PLEKHA8: variants seen among roughly 807,000 people sequenced by gnomAD.
The protein encoded by PLEKHA8 is pleckstrin homology domain containing A8.
In PLEKHA8, 36 loss-of-function variants were observed where a neutral mutation model predicts 68.2. The ratio of observed to expected loss-of-function variants is 0.53; its 90% CI spans 0.40 to 0.70. The LOEUF (loss-of-function observed/expected upper bound fraction) is 0.70, where lower values mean the gene tolerates loss of function less well. Ranked by LOEUF, PLEKHA8 falls within the 30% of genes least tolerant of loss-of-function variation. PLEKHA8 has a pLI of 0.00. For synonymous variants in PLEKHA8, 211 were observed against 216.1 expected (o/e 0.98, Z 0.20); for missense variants, 505 against 615.4 (o/e 0.82, Z 1.90).
In PLEKHA8 at chr7:30,084,486, G is replaced by A. The variant is rs993977162; in HGVS notation, c.*5699G>A. On this transcript the variant is annotated 3_prime_UTR_variant, in exon 14 of 14. Coordinates refer to ENST00000449726, the MANE Select transcript of PLEKHA8 (RefSeq NM_001197026.2). ...GGAGCCTCTTGGGACCAACCGATGA[G>A]CGACAGTTTCATGTTTAGATTTGTA... 2 of 985,186 alleles carry A rather than the reference G, an allele frequency of 2.0e-6. No homozygotes were observed. Among genetic ancestry groups the A allele is most frequent in the Non-Finnish European group, 2.4e-6 (2 of 829,874 alleles). 61.0% of individuals were successfully genotyped at this position (985,186 alleles called of 1,614,324 possible).
At chr7:30,113,757 CAT>C (rs376154736) in intron 13 of PLEKHA8, among the ~76,000 whole-genome samples, 52 of 152,278 alleles carry the variant, frequency 3.4e-4, no homozygotes, top group African/African-American at 1.2e-3. Context: ...TCCATCACTT[CAT>C]CATATTGCTG....
At chr7:30,043,212 GTC>G (rs975733983) in intron 1 of PLEKHA8, among the ~76,000 whole-genome samples, 2 of 152,124 alleles carry the variant, frequency 1.3e-5, no homozygotes, top group African/African-American at 4.8e-5. Flanking sequence ...GCCCAGGCTG[GTC>G]TGGAACTCCT....
intron 13 of PLEKHA8, chr7:30,116,079 C>T (rs902520639): frequency 1.4e-5 from 2 of 147,652 alleles, no homozygotes; most frequent in African/African-American, 5.0e-5. Flanking sequence ...TACATGTATA[C>T]ATACGCATAC....
intron 13 of PLEKHA8, among the ~76,000 whole-genome samples, chr7:30,105,711 T>A (rs769182841): frequency 6.6e-4 from 101 of 152,322 alleles, no homozygotes; most frequent in Non-Finnish European, 1.3e-3. Flanking sequence ...GTGAGCAGCA[T>A]TTCATAAGTT....
chr7:30,114,471 A>G (rs1284294726), intron 13 of PLEKHA8, among the ~76,000 whole-genome samples: 1 of 152,230 alleles, frequency 6.6e-6, no homozygotes, highest in East Asian at 1.9e-4. Flanking sequence ...CTACCGTGCA[A>G]CAGTGCCTCT....
chr7:30,122,640 C>G (rs1796713560), intron 13 of PLEKHA8, among the ~76,000 whole-genome samples: 1 of 152,184 alleles, frequency 6.6e-6, no homozygotes, highest in Admixed American at 6.5e-5. Flanking sequence ...GCTCTCCTGT[C>G]CATGAAGGGA....
chr7:30,028,717 G>A lies in PLEKHA8; in HGVS notation c.-46G>A, dbSNP rs771543545. 16 of 1,227,516 alleles carry A rather than the reference G, an allele frequency of 1.3e-5. No individual in the cohort carries two copies. In the African/African-American group the frequency reaches 2.3e-4, roughly 18 times the overall value. The allele number at this position is 1,227,516 out of a possible 1,614,324, so 76.0% of individuals were successfully genotyped here. A position where few individuals can be genotyped will look rare whatever the true frequency, so the allele number is the denominator to read the frequency against. On this transcript the variant is annotated 5_prime_UTR_variant, in exon 1 of 14. Transcript: ENST00000449726. ...GTGCTCCTCGCCTCTTGGGGCCTGGGGCAGTGAGGGGGCCGGCGGGCGTGG... is the reference window on the plus strand; with the variant it reads ...GTGCTCCTCGCCTCTTGGGGCCTGGAGCAGTGAGGGGGCCGGCGGGCGTGG...
chr7:30,128,369 A>C (rs564621082), intron 13 of PLEKHA8, among the ~76,000 whole-genome samples: 1 of 152,244 alleles, frequency 6.6e-6, no homozygotes, highest in African/African-American at 2.4e-5. Context: ...GGCCTCCCAG[A>C]GTGCTGGGAT....
intron 13 of PLEKHA8, among the ~76,000 whole-genome samples, chr7:30,113,033 A>G (rs1012228080): frequency 4.6e-5 from 7 of 152,148 alleles, no homozygotes; most frequent in African/African-American, 1.4e-4. Flanking sequence ...CTTGTCTGAC[A>G]TGTTTTTGTC....
Position 30,052,695 on chromosome 7 carries a change from T to A in PLEKHA8, c.639-14T>A. 1 of 1,526,380 alleles carries A rather than the reference T, an allele frequency of 6.6e-7. No homozygotes were observed. 94.6% of individuals were successfully genotyped at this position (1,526,380 alleles called of 1,614,324 possible). On this transcript the variant is annotated splice_polypyrimidine_tract_variant and intron_variant, in intron 6 of 13. Coordinates refer to ENST00000449726, the MANE Select transcript of PLEKHA8 (RefSeq NM_001197026.2). ...ACGACCTTCTGGCTTTTTTTCCTTT[T>A]AAAAAATTTGCAGGCAAATGGAGTT...
chr7:30,102,684 A>G (rs940119560), intron 13 of PLEKHA8, among the ~76,000 whole-genome samples: 6 of 152,258 alleles, frequency 3.9e-5, no homozygotes, highest in Non-Finnish European at 5.9e-5. Context: ...AAGGACAAAT[A>G]TTGTATGACT....
intron 13 of PLEKHA8, among the ~76,000 whole-genome samples, chr7:30,112,386 A>G (rs1796301875): frequency 6.6e-6 from 1 of 152,158 alleles, no homozygotes; most frequent in Admixed American, 6.5e-5. Context: ...ACTCCTTAAA[A>G]AAAAAAAACC....
In PLEKHA8 at chr7:30,083,428, C is replaced by T; in HGVS notation, c.*4641C>T. On this transcript the variant is annotated 3_prime_UTR_variant, in exon 14 of 14. Transcript: ENST00000449726. The stretch of plus-strand genomic sequence containing the variant: ...AACAATTCCATAAATATACTGTTTA[C>T]TAGACCTTCCCTGTAAATGTTCCCA... 2.0e-6 allele frequency: 2 copies of T among 985,158 alleles called. No homozygotes were observed. The highest frequency in any genetic ancestry group is 2.4e-6 in the Non-Finnish European group (2 of 829,710). 61.0% of individuals were successfully genotyped at this position (985,158 alleles called of 1,614,324 possible). A position where few individuals can be genotyped will look rare whatever the true frequency, so the allele number is the denominator to read the frequency against.
chr7:30,091,078 C>T (rs1315250516), downstream of PLEKHA8, among the ~76,000 whole-genome samples: 3 of 152,126 alleles, frequency 2.0e-5, no homozygotes, highest in Non-Finnish European at 4.4e-5. Flanking sequence ...GTGGGAAGAT[C>T]GCTTGAGCCC....
chr7:30,127,839 T>G (rs565916970), intron 13 of PLEKHA8, among the ~76,000 whole-genome samples: 1 of 152,224 alleles, frequency 6.6e-6, no homozygotes, highest in Non-Finnish European at 1.5e-5. Flanking sequence ...GCATTCCTGA[T>G]TCAACGATAA....
At chr7:30,120,094 C>T (rs1256432485) in intron 13 of PLEKHA8, among the ~76,000 whole-genome samples, 2 of 145,496 alleles carry the variant, frequency 1.4e-5, no homozygotes, top group Non-Finnish European at 3.0e-5. Flanking sequence ...TAGGGAAATG[C>T]AAATCAAAGC....
At chr7:30,036,440 ATAGATAGATAGATAGATAGATAGAT>A (rs1791097939) in intron 1 of PLEKHA8, among the ~76,000 whole-genome samples, 2 of 151,766 alleles carry the variant, frequency 1.3e-5, no homozygotes, top group African/African-American at 4.8e-5. Flanking sequence ...AGATAGATAG[ATAGATAGATAGATAGATAGATAGAT>A]TAGATAGAGA....
intron 13 of PLEKHA8, among the ~76,000 whole-genome samples, chr7:30,074,456 T>C (rs1317955533): frequency 1.3e-5 from 2 of 152,190 alleles, no homozygotes; most frequent in African/African-American, 4.8e-5. Context: ...TTCTAATTAC[T>C]CTAGCCAATT....
intron 1 of PLEKHA8, among the ~76,000 whole-genome samples, chr7:30,030,452 C>G (rs138292465): frequency 2.8e-4 from 42 of 152,270 alleles, no homozygotes; most frequent in African/African-American, 9.6e-4. Flanking sequence ...CTAGAAGGAT[C>G]TTTTGGAATC....
Sources: allele counts gnomAD v4.1 joint callset (sites outside exome capture counted in the v4.1 genomes callset), GRCh38; gene constraint gnomAD v4.1.1; transcripts MANE v1.5; gene names NCBI Gene and HGNC (gene_info 2026-07-23, HGNC 2026-07-21).